The following CTNNA3 variants were observed in gnomAD, a reference collection of about 807,000 sequenced individuals.
CTNNA3 encodes catenin alpha-3.
CTNNA3 carries 76 observed loss-of-function variants against 95.7 expected under a neutral mutation model. The ratio of observed to expected loss-of-function variants is 0.79; its 90% CI spans 0.66 to 0.96. The LOEUF (loss-of-function observed/expected upper bound fraction) is 0.96. Among genes scored for constraint, CTNNA3 ranks in the 40% least tolerant of loss-of-function variants. The pLI, the probability that CTNNA3 is intolerant of heterozygous loss-of-function variation, is 0.00. For missense variants in CTNNA3, 1,191 were observed against 1,089.8 expected (o/e 1.09, Z -1.31); for synonymous variants, 431 against 374.4 (o/e 1.15, Z -1.74).
At chr10:67,248,462 T>C (rs994067270) in intron 5 of CTNNA3, among the ~76,000 whole-genome samples, 15 of 76 alleles carry the variant, frequency 0.2, no homozygotes, top group African/African-American at 0.39. Context: ...GTCACTAGGC[T>C]GGAGTGCAGG....
chr10:66,987,061 T>C (rs1234126267), intron 7 of CTNNA3, among the ~76,000 whole-genome samples: 1 of 152,080 alleles, frequency 6.6e-6, no homozygotes, highest in African/African-American at 2.4e-5. Flanking sequence ...AGAGAAAGAA[T>C]AGCAAGTGCA....
chr10:67,604,217 G>A (rs546459462), intron 3 of CTNNA3, among the ~76,000 whole-genome samples: 3 of 152,286 alleles, frequency 2.0e-5, no homozygotes, highest in South Asian at 2.1e-4. Context: ...CCATTGTTAA[G>A]TAAGGTATGA....
At position 66,267,073 on chromosome 10, in the gene CTNNA3, G is replaced by T. The variant is rs1361540659; in HGVS notation, c.1884+13397C>A. On this transcript the variant is annotated intron_variant, in intron 13 of 17. Transcript: ENST00000433211. ...TTAAATATTAGGCGGCTTAAGGCAGGTGACTGAGGAACTGAAAGGGATGAC... is the reference window on the plus strand; with the variant it reads ...TTAAATATTAGGCGGCTTAAGGCAGTTGACTGAGGAACTGAAAGGGATGAC... Among the ~76,000 whole-genome samples the T allele has an allele frequency of 2.0e-5, 3 of 152,082 alleles. No individual in the cohort carries two copies. In the East Asian group the frequency reaches 5.8e-4, roughly 29 times the overall value.
At chr10:67,454,486 C>T (rs1001363998) in intron 5 of CTNNA3, among the ~76,000 whole-genome samples, 5 of 152,026 alleles carry the variant, frequency 3.3e-5, no homozygotes, top group South Asian at 2.1e-4. Flanking sequence ...ACGTCTATTT[C>T]GAAACATAGG....
At chr10:67,366,646 A>G (rs79047006) in intron 5 of CTNNA3, among the ~76,000 whole-genome samples, 1 of 147,498 alleles carries the variant, frequency 6.8e-6, no homozygotes, top group African/African-American at 2.5e-5. Context: ...CGTCCAAAGG[A>G]AAAAAAAAAA....
intron 7 of CTNNA3, among the ~76,000 whole-genome samples, chr10:66,858,672 T>C (rs1843779199): frequency 1.3e-5 from 2 of 152,064 alleles, no homozygotes; most frequent in African/African-American, 2.4e-5. Flanking sequence ...TCTTCTAGGT[T>C]TTCTAGCTTG....
At chr10:67,259,631 TTGCTGCC>T (rs908972064) in intron 5 of CTNNA3, among the ~76,000 whole-genome samples, 2 of 152,128 alleles carry the variant, frequency 1.3e-5, no homozygotes, top group East Asian at 1.9e-4. Context: ...GTCCCTGAGG[TTGCTGCC>T]TGCTGCCTAC....
intron 9 of CTNNA3, among the ~76,000 whole-genome samples, chr10:66,746,012 G>C (rs1449552963): frequency 6.6e-6 from 1 of 152,082 alleles, no homozygotes; most frequent in East Asian, 1.9e-4. Context: ...TTACAATTGA[G>C]ATATCTGGTA....
intron 7 of CTNNA3, among the ~76,000 whole-genome samples, chr10:66,810,431 ACC>A (rs1280523073): frequency 1.3e-5 from 2 of 152,010 alleles, no homozygotes; most frequent in Non-Finnish European, 2.9e-5. Flanking sequence ...TTTTCTGTGA[ACC>A]CCACATCCAA....
At chr10:66,763,307 A>C (rs1227005016) in intron 9 of CTNNA3, among the ~76,000 whole-genome samples, 4 of 145,222 alleles carry the variant, frequency 2.8e-5, no homozygotes, top group African/African-American at 5.2e-5. Context: ...TCATGAGATA[A>C]ACACACACAC....
intron 12 of CTNNA3, among the ~76,000 whole-genome samples, chr10:66,303,118 A>G (rs1438368061): frequency 2.0e-5 from 3 of 152,222 alleles, no homozygotes; most frequent in Non-Finnish European, 4.4e-5. Flanking sequence ...GTAAAATGTT[A>G]CAAGCCTTAT....
intron 9 of CTNNA3, among the ~76,000 whole-genome samples, chr10:66,679,324 G>GA (rs2132495980): frequency 6.6e-6 from 1 of 152,256 alleles, no homozygotes; most frequent in South Asian, 2.1e-4. Flanking sequence ...TTCAGCAATT[G>GA]GGAGATTGGT....
chr10:66,762,142 A>G (rs1839623975), intron 9 of CTNNA3, among the ~76,000 whole-genome samples: 1 of 152,152 alleles, frequency 6.6e-6, no homozygotes. Context: ...GCTAAATTTC[A>G]TATTTTTATC....
intron 14 of CTNNA3, among the ~76,000 whole-genome samples, chr10:66,100,587 A>C (rs1009428961): frequency 1.4e-4 from 21 of 152,244 alleles, no homozygotes; most frequent in African/African-American, 5.1e-4. Context: ...GCAGCAGAAC[A>C]CTAATGCAAG....
intron 5 of CTNNA3, among the ~76,000 whole-genome samples, chr10:67,368,593 C>A (rs1247420453): frequency 6.6e-6 from 1 of 152,092 alleles, no homozygotes; most frequent in Non-Finnish European, 1.5e-5. Flanking sequence ...TCGTAATAGC[C>A]TAAAACTGGA....
At chr10:67,561,742 C>G (rs149629676) in intron 3 of CTNNA3, among the ~76,000 whole-genome samples, 2,093 of 152,036 alleles carry the variant, frequency 0.014, 61 homozygotes, top group African/African-American at 0.047. Flanking sequence ...AGACTGCTAG[C>G]AAGACTAAGA....
chr10:66,797,788 C>T (rs1841267092), intron 7 of CTNNA3, among the ~76,000 whole-genome samples: 1 of 151,796 alleles, frequency 6.6e-6, no homozygotes, highest in African/African-American at 2.4e-5. Flanking sequence ...AGGGTTGTTC[C>T]TCAGTCAATT....
intron 5 of CTNNA3, among the ~76,000 whole-genome samples, chr10:67,241,918 T>C (rs1450590026): frequency 2.6e-5 from 4 of 152,170 alleles, no homozygotes; most frequent in Non-Finnish European, 5.9e-5. Flanking sequence ...CTAATCACTT[T>C]CTCATTTAAT....
At chr10:65,977,372 C>T (rs2394155) in intron 16 of CTNNA3, among the ~76,000 whole-genome samples, 101,802 of 152,026 alleles carry the variant, frequency 0.67, 34,268 homozygotes, top group Non-Finnish European at 0.7. Context: ...AAATTCATTA[C>T]GTTTTAGTTT....
Sources: gnomAD v4.1 joint callset for allele counts (sites outside exome capture counted in the v4.1 genomes callset) on GRCh38, gnomAD v4.1.1 for gene constraint, MANE v1.5 for transcripts, NCBI Gene and HGNC (gene_info 2026-07-23, HGNC 2026-07-21) for gene names.